MTCL1: variants seen among roughly 807,000 people sequenced by gnomAD.
MTCL1 encodes microtubule cross-linking factor 1.
Under a neutral mutation model 141.4 loss-of-function variants are expected in MTCL1, and 79 were observed. That is an observed-to-expected ratio of 0.56 (90% CI 0.47 to 0.67). The LOEUF is 0.67. MTCL1 is among the 30% of genes least tolerant of loss of function. MTCL1 has a pLI of 0.00. For missense variants in MTCL1, 2,177 were observed against 2,113.9 expected (o/e 1.03, Z -0.59); for synonymous variants, 914 against 875.8 (o/e 1.04, Z -0.77).
At chr18:8,706,845 G>T (rs1335607477) in intron 1 of MTCL1, 132 bp downstream of exon 1, 1 of 1,377,174 alleles carries the variant, frequency 7.3e-7, no homozygotes, top group Non-Finnish European at 9.4e-7. Flanking sequence ...TCCTACCCCC[G>T]CATTGTCAGG....
At chr18:8,797,380 C>T (rs1266728410) in intron 9 of MTCL1, among the ~76,000 whole-genome samples, 1 of 152,326 alleles carries the variant, frequency 6.6e-6, no homozygotes, top group East Asian at 1.9e-4. Flanking sequence ...ATAATAGAAA[C>T]AGAAGCGAGA....
chr18:8,775,122 A>T (rs1157513696), intron 4 of MTCL1, among the ~76,000 whole-genome samples: 3 of 152,134 alleles, frequency 2.0e-5, no homozygotes. Flanking sequence ...CAGTGCGTAC[A>T]TTGGGAGAAT....
At chr18:8,783,345 A>T (rs1320058832) in intron 5 of MTCL1, among the ~76,000 whole-genome samples, 185 bp from the exon 5 acceptor site, 1 of 151,386 alleles carries the variant, frequency 6.6e-6, no homozygotes, top group Non-Finnish European at 1.5e-5. Flanking sequence ...GGCCCCCTCC[A>T]CAAAGCCCCT....
At position 8,784,339 on chromosome 18, in the gene MTCL1, AG is replaced by A. The variant is rs1244203254; in HGVS notation, c.1230del (p.Pro411LeufsTer35). ...GCCGCCTGCCCCAGCCCAAGCGGGA[AG>A]GGCCTGTTGGCGGGGAGAGTGACTC... On this transcript the variant is annotated frameshift_variant, in exon 6 of 17. Coordinates refer to ENST00000359865, the Ensembl canonical transcript of MTCL1. LOFTEE classifies it high-confidence loss of function. 2.6e-6 allele frequency: 4 copies of A among 1,547,126 alleles called. No homozygotes were observed. Among genetic ancestry groups the A allele is most frequent in the Non-Finnish European group, 3.5e-6 (4 of 1,144,036 alleles).
exon 6 of MTCL1, chr18:8,783,751 G>A (rs761320245): frequency 1.2e-6 from 2 of 1,612,022 alleles, no homozygotes; most frequent in South Asian, 1.1e-5. Context: ...GGCTAAAGCT[G>A]GTGGAGGAGG....
At chr18:8,710,457 C>CT (rs59830434) in intron 1 of MTCL1, among the ~76,000 whole-genome samples, 3,978 of 121,638 alleles carry the variant, frequency 0.033, 84 homozygotes, top group Middle Eastern at 0.098. Context: ...CAGGCACTTT[C>CT]TTTTTTTTTT....
intron 16 of MTCL1, chr18:8,831,399 C>T (rs2144575838): frequency 7.1e-7 from 1 of 1,402,390 alleles, no homozygotes; most frequent in Non-Finnish European, 9.3e-7. Flanking sequence ...TAATTGGTCT[C>T]TTCCCATTCA....
At chr18:8,747,514 C>T (rs1460247677) in intron 4 of MTCL1, among the ~76,000 whole-genome samples, 5 of 152,250 alleles carry the variant, frequency 3.3e-5, no homozygotes, top group South Asian at 2.1e-4. Flanking sequence ...AACCTCTTCC[C>T]TGTGTGTCTG....
chr18:8,760,275 G>A (rs549300705), intron 4 of MTCL1, among the ~76,000 whole-genome samples: 2 of 152,208 alleles, frequency 1.3e-5, no homozygotes, highest in Non-Finnish European at 1.5e-5. Context: ...AATCCTGGCC[G>A]TGTGGTGGGC....
intron 4 of MTCL1, among the ~76,000 whole-genome samples, chr18:8,743,399 A>G (rs375582472): frequency 6.2e-4 from 94 of 152,360 alleles, no homozygotes; most frequent in Middle Eastern, 3.4e-3. Context: ...TCTTAGTACT[A>G]CAGATAAATA....
chr18:8,786,119 C>CCT, intron 7 of MTCL1, 28 bp downstream of exon 6: 2 of 1,428,830 alleles, frequency 1.4e-6, no homozygotes, highest in South Asian at 1.3e-5. Context: ...ATCCCCCCCC[C>CCT]CCGCCCTCCC....
upstream of MTCL1, among the ~76,000 whole-genome samples, chr18:8,716,875 A>G (rs1041272633): frequency 2.0e-5 from 3 of 152,172 alleles, no homozygotes; most frequent in Non-Finnish European, 2.9e-5. Context: ...TGTTTCCTTA[A>G]TCTTCCTCCT....
chr18:8,808,917 G>A (rs1353949865), intron 11 of MTCL1, among the ~76,000 whole-genome samples: 1 of 152,224 alleles, frequency 6.6e-6, no homozygotes, highest in Non-Finnish European at 1.5e-5. Flanking sequence ...AACGTGCAAG[G>A]CACATGCCTT....
chr18:8,778,141 T>C (rs966501907), intron 5 of MTCL1, among the ~76,000 whole-genome samples: 1 of 152,232 alleles, frequency 6.6e-6, no homozygotes, highest in Non-Finnish European at 1.5e-5. Context: ...TGGCTTTGTG[T>C]AAAACAGAAT....
intron 12 of MTCL1, among the ~76,000 whole-genome samples, chr18:8,818,426 G>T (rs1360843558): frequency 6.6e-6 from 1 of 151,786 alleles, no homozygotes; most frequent in South Asian, 2.1e-4. Flanking sequence ...TAAAGTGTAA[G>T]TTATGTTTAA....
Position 8,824,885 on chromosome 18 carries a change from TGGTGGGG to T in MTCL1, c.3378_3384del (p.Gly1127ArgfsTer29). 6.2e-7 allele frequency: 1 copy of T among 1,613,674 alleles called. No homozygotes were observed. Among genetic ancestry groups the T allele is most frequent in the Non-Finnish European group, 8.5e-7 (1 of 1,179,962 alleles). On this transcript the variant is annotated frameshift_variant, in exon 15 of 17. Coordinates refer to ENST00000359865, the Ensembl canonical transcript of MTCL1. LOFTEE classifies it high-confidence loss of function. Reference sequence around the variant, plus strand: ...ACTACACACCCAACAGGGGCCACAATGGTGGGGGGCCGGACCTTTGGGCCGACAGGAC... The same window carrying T: ...ACTACACACCCAACAGGGGCCACAATGGCCGGACCTTTGGGCCGACAGGAC...
chr18:8,789,191 A>C (rs1429288663), intron 7 of MTCL1, among the ~76,000 whole-genome samples: 1 of 152,216 alleles, frequency 6.6e-6, no homozygotes, highest in East Asian at 1.9e-4. Context: ...CACACAAAGC[A>C]CTCACAATCC....
intron 4 of MTCL1, among the ~76,000 whole-genome samples, chr18:8,776,397 G>A (rs1167611726): frequency 1.3e-5 from 2 of 152,176 alleles, no homozygotes; most frequent in East Asian, 1.9e-4. Context: ...CTTTGCAGGA[G>A]CTGGCATATC....
chr18:8,797,991 C>A, intron 9 of MTCL1, 106 bp from the exon 9 acceptor site: 1 of 1,112,380 alleles, frequency 9.0e-7, no homozygotes, highest in South Asian at 1.8e-5. Context: ...GAAGTATAGG[C>A]GTTGATAATC....
Sources: gnomAD v4.1 joint callset for allele counts (sites outside exome capture counted in the v4.1 genomes callset) on GRCh38, gnomAD v4.1.1 for gene constraint, MANE v1.5 for transcripts, NCBI Gene and HGNC (gene_info 2026-07-23, HGNC 2026-07-21) for gene names.